GRIA3: variants seen among roughly 807,000 people sequenced by gnomAD.
GRIA3 encodes the protein glutamate receptor 3.
In GRIA3, 3 loss-of-function variants were observed where a neutral mutation model predicts 63.0. The observed-to-expected ratio is 0.05, with a 90% CI of 0.02 to 0.12. The LOEUF (loss-of-function observed/expected upper bound fraction) is 0.12, where lower values mean the gene tolerates loss of function less well. GRIA3 is among the 10% of genes least tolerant of loss of function. GRIA3 has a pLI of 1.00. For missense variants in GRIA3, 347 were observed against 700.9 expected, an observed-to-expected ratio of 0.50 and a Z score of 5.70; for synonymous variants, 274 against 257.9, an observed-to-expected ratio of 1.06 and a Z score of -0.60.
chrX:123,195,103 CA>C (rs1927541005), intron 2 of GRIA3, among the ~76,000 whole-genome samples: 1 of 113,208 alleles, frequency 8.8e-6, no homozygotes, highest in Non-Finnish European at 1.9e-5. Flanking sequence ...GACGTCATGG[CA>C]AATGCCAACT....
At chrX:123,248,721 G>A (rs771597773) in intron 2 of GRIA3, among the ~76,000 whole-genome samples, 13 of 111,869 alleles carry the variant, frequency 1.2e-4, no homozygotes, top group African/African-American at 3.3e-4. Context: ...GGGAGGCGGA[G>A]GTTGCAGTGA....
At chrX:123,192,044 C>T (rs746338364) in intron 2 of GRIA3, among the ~76,000 whole-genome samples, 25 of 111,125 alleles carry the variant, frequency 2.2e-4, no homozygotes, top group African/African-American at 8.2e-4. Flanking sequence ...TCATAGAAGA[C>T]TTTTACAGGC....
intron 2 of GRIA3, among the ~76,000 whole-genome samples, chrX:123,198,282 T>C (rs908155142): frequency 8.9e-6 from 1 of 112,023 alleles, no homozygotes; most frequent in Non-Finnish European, 1.9e-5. Context: ...TTACTAGCCA[T>C]ATGACCGTGA....
At chrX:123,248,546 G>A (rs2044371607) in intron 2 of GRIA3, among the ~76,000 whole-genome samples, 1 of 112,178 alleles carries the variant, frequency 8.9e-6, no homozygotes, top group Non-Finnish European at 1.9e-5. Flanking sequence ...AGCACTTTGG[G>A]AGGCTGAGGC....
rs1034664257 is a variant in GRIA3 at position 123,480,231 on chromosome X, G to C, written c.2439+54G>C. The C allele has an allele frequency of 5.1e-6, 4 of 789,018 alleles. No individual in the cohort carries two copies. In the African/African-American group the frequency reaches 6.2e-5, roughly 12 times the overall value. The allele number at this position is 789,018 out of a possible 1,213,427, so 65.0% of individuals were successfully genotyped here. ...ATTAGCAATCACATTTTGACCCACT[G>C]TTTATTTTCTACCCTAAAACGGCTT... On this transcript the variant is annotated intron_variant, in intron 14 of 15. Coordinates refer to ENST00000620443, the MANE Select transcript of GRIA3 (RefSeq NM_007325.5).
intron 3 of GRIA3, among the ~76,000 whole-genome samples, chrX:123,319,117 T>C (rs746432747): frequency 9.9e-5 from 11 of 111,659 alleles, no homozygotes; most frequent in Non-Finnish European, 1.7e-4. Context: ...TACCTCCCCC[T>C]GGGCCACTCC....
intron 3 of GRIA3, among the ~76,000 whole-genome samples, chrX:123,320,576 GT>G (rs1199609355): frequency 2.7e-5 from 3 of 111,507 alleles, no homozygotes; most frequent in African/African-American, 9.8e-5. Flanking sequence ...ACATCAGGAT[GT>G]TGTGTGACAT....
At chrX:123,213,906 CCTCT>C (rs1928098119) in intron 2 of GRIA3, among the ~76,000 whole-genome samples, 1 of 112,070 alleles carries the variant, frequency 8.9e-6, no homozygotes, top group African/African-American at 3.2e-5. Context: ...ATTAGATCTC[CCTCT>C]GAGTACAAGA....
At chrX:123,198,610 T>A (rs1213125833) in intron 2 of GRIA3, among the ~76,000 whole-genome samples, 1 of 111,279 alleles carries the variant, frequency 9.0e-6, no homozygotes, top group Admixed American at 9.5e-5. Context: ...CAATGCTGCC[T>A]TGGGCATAAG....
chrX:123,201,532 A>G (rs1166966712), intron 2 of GRIA3, among the ~76,000 whole-genome samples: 1 of 110,680 alleles, frequency 9.0e-6, no homozygotes, highest in South Asian at 3.8e-4. Flanking sequence ...CTTAGAGATC[A>G]TCTAGTCCGT....
chrX:123,465,646 C>G, intron 13 of GRIA3: 1 of 1,084,209 alleles, frequency 9.2e-7, no homozygotes, highest in Non-Finnish European at 1.3e-6. Flanking sequence ...TGTGCATTTT[C>G]TTACAAGTTA....
intron 10 of GRIA3, among the ~76,000 whole-genome samples, chrX:123,410,700 G>A (rs1273381716): frequency 9.0e-6 from 1 of 111,652 alleles, no homozygotes; most frequent in African/African-American, 3.3e-5. Context: ...TGGCAGAAGG[G>A]CTGATGATTT....
intron 3 of GRIA3, among the ~76,000 whole-genome samples, chrX:123,284,648 T>A (rs1314015403): frequency 1.8e-5 from 2 of 110,043 alleles, no homozygotes; most frequent in Non-Finnish European, 3.8e-5. Context: ...AAAAAGGATA[T>A]CAGAGATTGA....
intron 6 of GRIA3, among the ~76,000 whole-genome samples, chrX:123,396,233 A>AATAATAATAATAATAATAATG (rs1354946998): frequency 9.5e-6 from 1 of 105,599 alleles, no homozygotes; most frequent in South Asian, 4.1e-4. Flanking sequence ...TAATAATAAT[A>AATAATAATAATAATAATAATG]ATGATGATAA....
At chrX:123,219,612 C>T (rs993581207) in intron 2 of GRIA3, among the ~76,000 whole-genome samples, 1 of 111,746 alleles carries the variant, frequency 8.9e-6, no homozygotes, top group Non-Finnish European at 1.9e-5. Flanking sequence ...GCTCCCATAC[C>T]AGTTGGTAAA....
chrX:123,214,389 T>C (rs767071345), intron 2 of GRIA3, among the ~76,000 whole-genome samples: 1 of 111,613 alleles, frequency 9.0e-6, no homozygotes, highest in South Asian at 3.8e-4. Context: ...AACCCTCTCT[T>C]AGCCTTTAAA....
At chrX:123,373,540 G>A (rs1300616689) in intron 5 of GRIA3, among the ~76,000 whole-genome samples, 1 of 111,136 alleles carries the variant, frequency 9.0e-6, no homozygotes, top group Non-Finnish European at 1.9e-5. Context: ...TTTAATGATC[G>A]CTATTCTGAC....
chrX:123,453,488 T>C (rs2045745534), intron 12 of GRIA3, among the ~76,000 whole-genome samples: 1 of 110,880 alleles, frequency 9.0e-6, no homozygotes, highest in African/African-American at 3.3e-5. Context: ...CATGTATACA[T>C]ATGTAACAAA....
At chrX:123,412,229 A>G (rs989283161) in intron 10 of GRIA3, among the ~76,000 whole-genome samples, 3 of 111,871 alleles carry the variant, frequency 2.7e-5, no homozygotes, top group Admixed American at 9.4e-5. Flanking sequence ...AGGGTGGAGC[A>G]TATAACTAAC....
Sources: gnomAD v4.1 joint callset for allele counts (sites outside exome capture counted in the v4.1 genomes callset) on GRCh38, gnomAD v4.1.1 for gene constraint, MANE v1.5 for transcripts, NCBI Gene and HGNC (gene_info 2026-07-23, HGNC 2026-07-21) for gene names.